The following INSL6 variants were observed in gnomAD, a reference collection of about 807,000 sequenced individuals.
The protein encoded by INSL6 is insulin like 6.
Under a neutral mutation model 9.4 loss-of-function variants are expected in INSL6, and 16 were observed. The observed-to-expected ratio is 1.70, with a 90% CI of 1.15 to 2.59. INSL6 has a LOEUF of 2.59. Ranked by LOEUF, INSL6 falls within the 30% of genes most tolerant of loss-of-function variation. INSL6 has a pLI of 0.00. For synonymous variants in INSL6, 154 were observed against 96.9 expected (o/e 1.59, Z -3.46); for missense variants, 391 against 257.3 (o/e 1.52, Z -3.56).
chr9:5,085,609 A>G, the INSL6 span: 1 of 699,322 alleles, frequency 1.4e-6, no homozygotes, highest in Admixed American at 2.0e-5. Flanking sequence ...AGAAAGAATT[A>G]AATCTCCAGC....
chr9:5,112,299 C>T, the INSL6 span: 6 of 266,600 alleles, frequency 2.3e-5, no homozygotes, highest in East Asian at 5.3e-4. Context: ...ATCCATGTTG[C>T]CCTCTCCAGC....
At chr9:5,165,322 T>C (rs1045261618) in intron 1 of INSL6, among the ~76,000 whole-genome samples, 1 of 152,218 alleles carries the variant, frequency 6.6e-6, no homozygotes, top group African/African-American at 2.4e-5. Flanking sequence ...CACTGCATGA[T>C]ATAAATTTGT....
the INSL6 span, among the ~76,000 whole-genome samples, chr9:5,054,077 T>C: frequency 1.3e-5 from 2 of 152,178 alleles, no homozygotes; most frequent in South Asian, 4.1e-4. The surrounding 1 kb of genome is among the most constrained non-coding windows in gnomAD (Gnocchi z 4.9). Flanking sequence ...GAAGCTGGCC[T>C]AACAAAATAA....
At chr9:5,060,989 G>A in the INSL6 span, among the ~76,000 whole-genome samples, 13 of 152,204 alleles carry the variant, frequency 8.5e-5, no homozygotes, top group African/African-American at 1.4e-4. Flanking sequence ...CTGTCAGAGC[G>A]CTTGGGTGAC....
downstream of INSL6, among the ~76,000 whole-genome samples, chr9:5,119,215 C>CA (rs1330996938): frequency 2.0e-5 from 3 of 152,022 alleles, no homozygotes; most frequent in African/African-American, 4.8e-5. Context: ...CAGAAAAACT[C>CA]AGACTTCATT....
chr9:5,123,334 A>G (rs1232438430), downstream of INSL6, among the ~76,000 whole-genome samples: 1 of 151,858 alleles, frequency 6.6e-6, no homozygotes, highest in African/African-American at 2.4e-5. Flanking sequence ...CCAAGTCTCT[A>G]TTGTCTATCA....
the INSL6 span, chr9:5,114,268 TG>T: frequency 1.8e-6 from 1 of 545,106 alleles, no homozygotes. Context: ...GTGGTGGACC[TG>T]GCACCCAGCA....
chr9:5,127,962 A>G (rs1260490111), intron 3 of INSL6: 2 of 231,718 alleles, frequency 8.6e-6, no homozygotes, highest in East Asian at 1.2e-4. Flanking sequence ...TATCTTTAAG[A>G]AAAATGAGCA....
At chr9:5,155,624 A>G (rs948986003) in intron 2 of INSL6, among the ~76,000 whole-genome samples, 1 of 152,154 alleles carries the variant, frequency 6.6e-6, no homozygotes, top group African/African-American at 2.4e-5. Flanking sequence ...TTGCAGGGAC[A>G]TGAATGACAC....
At chr9:4,999,883 C>G in the INSL6 span, among the ~76,000 whole-genome samples, 1 of 152,196 alleles carries the variant, frequency 6.6e-6, no homozygotes, top group Non-Finnish European at 1.5e-5. Flanking sequence ...TGCTACTACT[C>G]CTGTCCTTTT....
At chr9:5,090,619 G>A in the INSL6 span, 1 of 1,542,906 alleles carries the variant, frequency 6.5e-7, no homozygotes. Flanking sequence ...CCGTGTTGAA[G>A]TAGACATTAG....
chr9:5,013,937 G>T, the INSL6 span, among the ~76,000 whole-genome samples: 1 of 152,070 alleles, frequency 6.6e-6, no homozygotes, highest in East Asian at 1.9e-4. Flanking sequence ...AAGAAAGGAT[G>T]AAACTTATTT....
At chr9:5,183,164 AAATT>A (rs1825496025) in intron 1 of INSL6, among the ~76,000 whole-genome samples, 1 of 152,214 alleles carries the variant, frequency 6.6e-6, no homozygotes, top group Non-Finnish European at 1.5e-5. Context: ...TGCAACTTCT[AAATT>A]ATTTCCTAGA....
the INSL6 span, among the ~76,000 whole-genome samples, chr9:5,023,350 C>T: frequency 1.1e-3 from 166 of 152,224 alleles, 1 homozygote; most frequent in African/African-American, 3.8e-3. Context: ...TTCTTTTTTA[C>T]GATGCCACTG....
chr9:5,031,024 G>C, the INSL6 span, among the ~76,000 whole-genome samples: 1 of 152,030 alleles, frequency 6.6e-6, no homozygotes, highest in African/African-American at 2.4e-5. Flanking sequence ...ACCAGGAATG[G>C]TCTTAATAAG....
chr9:5,100,907 A>AT, the INSL6 span: 1 of 152,234 alleles, frequency 6.6e-6, no homozygotes, highest in Non-Finnish European at 1.5e-5. Flanking sequence ...CAATTAAAAT[A>AT]TCACTTTACA....
chr9:5,064,070 C>T, the INSL6 span, among the ~76,000 whole-genome samples: 8 of 152,226 alleles, frequency 5.3e-5, 1 homozygote, highest in South Asian at 2.1e-4. Context: ...ACAGGAGAAT[C>T]GCTTGAACCC....
the INSL6 span, among the ~76,000 whole-genome samples, chr9:5,024,099 AC>A: frequency 2.0e-5 from 3 of 152,096 alleles, no homozygotes; most frequent in South Asian, 4.1e-4. Context: ...TGCTAAAAAT[AC>A]AAAAAATTAG....
intron 1 of INSL6, among the ~76,000 whole-genome samples, chr9:5,181,709 G>T (rs1330513605): frequency 2.6e-5 from 4 of 152,134 alleles, no homozygotes; most frequent in South Asian, 2.1e-4. Flanking sequence ...ACAACTAGTT[G>T]TTACTGTATC....
Sources: gnomAD v4.1 joint callset for allele counts (sites outside exome capture counted in the v4.1 genomes callset) on GRCh38, gnomAD v4.1.1 for gene constraint, Gnocchi (gnomAD v3.1) non-coding constraint, MANE v1.5 for transcripts, NCBI Gene and HGNC (gene_info 2026-07-23, HGNC 2026-07-21) for gene names.